The following GRIA2 variants were observed in gnomAD, a reference collection of about 807,000 sequenced individuals.
GRIA2 encodes glutamate receptor 2.
Under a neutral mutation model 97.3 loss-of-function variants are expected in GRIA2, and 14 were observed. The ratio of observed to expected loss-of-function variants is 0.14; its 90% CI spans 0.10 to 0.23. The LOEUF (loss-of-function observed/expected upper bound fraction) is 0.23. Among genes scored for constraint, GRIA2 ranks in the 10% least tolerant of loss-of-function variants. The pLI is 1.00. For synonymous variants in GRIA2, 412 were observed against 387.8 expected (o/e 1.06, Z -0.73); for missense variants, 558 against 1,069.8 (o/e 0.52, Z 6.67).
At chr4:157,273,050 A>G (rs1240540937) in intron 2 of GRIA2, among the ~76,000 whole-genome samples, 1 of 152,116 alleles carries the variant, frequency 6.6e-6, no homozygotes, top group Non-Finnish European at 1.5e-5. Flanking sequence ...TAAAAAAGAG[A>G]GAAACCAACA....
At chr4:157,245,260 A>G (rs1043538340) in intron 2 of GRIA2, among the ~76,000 whole-genome samples, 1 of 152,150 alleles carries the variant, frequency 6.6e-6, no homozygotes, top group East Asian at 1.9e-4. Flanking sequence ...TTAAGGTGGC[A>G]TCATATACTT....
At chr4:157,304,400 T>C (rs755422073) in intron 3 of GRIA2, among the ~76,000 whole-genome samples, 1 of 152,170 alleles carries the variant, frequency 6.6e-6, no homozygotes, top group Non-Finnish European at 1.5e-5. Flanking sequence ...TGATTCATTA[T>C]GTTAAAATGT....
chr4:157,258,938 C>A (rs1391723831), intron 2 of GRIA2, among the ~76,000 whole-genome samples: 3 of 152,112 alleles, frequency 2.0e-5, no homozygotes, highest in South Asian at 2.1e-4. Context: ...AGGGGACACC[C>A]AGTTGTGGTG....
intron 6 of GRIA2, among the ~76,000 whole-genome samples, chr4:157,331,240 C>T (rs1178865600): frequency 6.6e-6 from 1 of 151,848 alleles, no homozygotes; most frequent in Non-Finnish European, 1.5e-5. Flanking sequence ...TCATAATATG[C>T]TACGTGGATC....
intron 4 of GRIA2, 33 bp from the exon 5 acceptor site, chr4:157,317,625 T>G: frequency 1.3e-6 from 1 of 795,966 alleles, no homozygotes; most frequent in Non-Finnish European, 2.1e-6. Flanking sequence ...ATTATTTGTA[T>G]TAATTAAATA....
chr4:157,228,871 C>T (rs1364918373), intron 2 of GRIA2, among the ~76,000 whole-genome samples: 1 of 82,684 alleles, frequency 1.2e-5, no homozygotes, highest in Non-Finnish European at 2.2e-5. Context: ...AAAGCAAGAA[C>T]CTTGTTACAA....
intron 4 of GRIA2, among the ~76,000 whole-genome samples, chr4:157,315,516 T>C (rs1734274227): frequency 6.9e-6 from 1 of 145,178 alleles, no homozygotes; most frequent in African/African-American, 2.6e-5. Context: ...TGGGTTTTTT[T>C]TTGTTTGTTT....
chr4:157,304,789 A>T (rs372790211), intron 3 of GRIA2, among the ~76,000 whole-genome samples: 129 of 152,236 alleles, frequency 8.5e-4, no homozygotes, highest in African/African-American at 3.1e-3. Context: ...AAGGGCAGAC[A>T]AGAAGAGAGC....
intron 2 of GRIA2, among the ~76,000 whole-genome samples, chr4:157,235,117 A>G (rs1370891241): frequency 6.6e-6 from 1 of 152,134 alleles, no homozygotes; most frequent in East Asian, 1.9e-4. Context: ...CACAACAGTT[A>G]TATCCATGAC....
Position 157,331,623 on chromosome 4 carries a change from A to T in GRIA2, c.883-1196A>T, listed in dbSNP as rs369716967. 1.6e-4 allele frequency among the ~76,000 whole-genome samples: 25 copies of T among 152,124 alleles called. No homozygotes were observed. In the East Asian group the frequency reaches 3.7e-3, roughly 22 times the overall value. ...GTGATATTTCTTATTTGGTTCAAGA[A>T]GTCTTTTATTAAGTAGATGTCCTGT... is the stretch of plus-strand genomic sequence containing the variant. On this transcript the variant is annotated intron_variant, in intron 6 of 15. Transcript: ENST00000264426.
intron 2 of GRIA2, among the ~76,000 whole-genome samples, chr4:157,234,852 T>C (rs1286815412): frequency 1.3e-5 from 2 of 152,108 alleles, no homozygotes; most frequent in Non-Finnish European, 2.9e-5. Flanking sequence ...TTATTTCTCT[T>C]AGGGAGCAGA....
chr4:157,290,011 A>G (rs933383397), intron 2 of GRIA2, among the ~76,000 whole-genome samples: 2 of 151,824 alleles, frequency 1.3e-5, no homozygotes. Context: ...CTGTCTGTAT[A>G]TTGGTTATTG....
chr4:157,272,177 A>C (rs1046511876), intron 2 of GRIA2, among the ~76,000 whole-genome samples: 1 of 152,084 alleles, frequency 6.6e-6, no homozygotes, highest in Non-Finnish European at 1.5e-5. Flanking sequence ...CAAATAAGGA[A>C]TCAGCATGGT....
intron 2 of GRIA2, among the ~76,000 whole-genome samples, chr4:157,281,655 C>CT (rs201645498): frequency 3.9e-4 from 59 of 149,852 alleles, no homozygotes; most frequent in Non-Finnish European, 5.9e-4. Flanking sequence ...AAAACTCTCT[C>CT]TTTTTTTTGT....
rs913546987 is a variant in GRIA2 at position 157,235,838 on chromosome 4, C to G, written c.229+14031C>G. Among the ~76,000 whole-genome samples the G allele has an allele frequency of 7.8e-4, 119 of 151,840 alleles. 1 individual carries two copies. Among genetic ancestry groups the G allele is most frequent in the African/African-American group, 2.8e-3 (114 of 41,382 alleles). On this transcript the variant is annotated intron_variant, in intron 2 of 15. Coordinates refer to ENST00000264426, the MANE Select transcript of GRIA2 (RefSeq NM_001083619.3). The stretch of plus-strand genomic sequence containing the variant: ...TGTTTACATAAATTATGGGGATTAA[C>G]TAATTAATTATAATAAATACTATTT...
intron 2 of GRIA2, among the ~76,000 whole-genome samples, chr4:157,276,210 T>A (rs1732304786): frequency 6.6e-6 from 1 of 151,974 alleles, no homozygotes; most frequent in African/African-American, 2.4e-5. Flanking sequence ...CACAATGGAA[T>A]TAAAGTAAAA....
At chr4:157,300,937 G>A (rs1172612792) in intron 2 of GRIA2, among the ~76,000 whole-genome samples, 1 of 152,126 alleles carries the variant, frequency 6.6e-6, no homozygotes, top group African/African-American at 2.4e-5. Flanking sequence ...GCTTGTCTGT[G>A]TATTCAAACA....
chr4:157,313,462 G>T (rs1237512028), intron 4 of GRIA2, among the ~76,000 whole-genome samples: 1 of 152,048 alleles, frequency 6.6e-6, no homozygotes, highest in Non-Finnish European at 1.5e-5. Flanking sequence ...GCATCCCCTT[G>T]GACTGTTTGA....
At chr4:157,239,332 T>A (rs1730394598) in intron 2 of GRIA2, among the ~76,000 whole-genome samples, 1 of 152,072 alleles carries the variant, frequency 6.6e-6, no homozygotes, top group Non-Finnish European at 1.5e-5. Context: ...TGTATATGAC[T>A]TTTTAAAAGG....
Sources: allele counts gnomAD v4.1 joint callset (sites outside exome capture counted in the v4.1 genomes callset), GRCh38; gene constraint gnomAD v4.1.1; transcripts MANE v1.5; gene names NCBI Gene and HGNC (gene_info 2026-07-23, HGNC 2026-07-21).